LRRTM4: variants seen among roughly 807,000 people sequenced by gnomAD.
LRRTM4 encodes leucine rich repeat transmembrane neuronal 4.
LRRTM4 carries 25 observed loss-of-function variants against 47.6 expected under a neutral mutation model. The observed-to-expected ratio is 0.53, with a 90% confidence interval of 0.38 to 0.73. The LOEUF (loss-of-function observed/expected upper bound fraction) is 0.73. LRRTM4 is among the 30% of genes least tolerant of loss of function. LRRTM4 has a pLI of 0.00. For synonymous variants in LRRTM4, 311 were observed against 269.5 expected (o/e 1.15, Z -1.51); for missense variants, 638 against 713.4 (o/e 0.89, Z 1.20).
At chr2:77,129,942 C>A (rs1671750715) in intron 3 of LRRTM4, among the ~76,000 whole-genome samples, 1 of 152,080 alleles carries the variant, frequency 6.6e-6, no homozygotes, top group Non-Finnish European at 1.5e-5. Context: ...GAGTGACGTG[C>A]CTAAAAATAC....
At position 76,936,989 on chromosome 2, in the gene LRRTM4, C is replaced by T. The variant is rs111251711; in HGVS notation, c.1552-188073G>A. Among the ~76,000 whole-genome samples the T allele has an allele frequency of 6.0e-3, 519 of 86,090 alleles. 3 individuals are homozygous for T. The highest frequency in any genetic ancestry group is 0.023 in the African/African-American group (483 of 21,076). 56.5% of individuals were successfully genotyped at this position (86,090 alleles called of 152,430 possible). ...AAAAAAAAAAAAAAAAAAAAAAGAG[C>T]ACATAAGTATATGTGAAAACATATC... is the stretch of plus-strand genomic sequence containing the variant. On this transcript the variant is annotated intron_variant, in intron 3 of 3. Transcript: ENST00000409884.
intron 3 of LRRTM4, among the ~76,000 whole-genome samples, chr2:77,027,140 T>C (rs1678482797): frequency 1.3e-5 from 2 of 152,116 alleles, no homozygotes; most frequent in South Asian, 2.1e-4. Context: ...ACACGATTTA[T>C]GGACTATTTC....
At chr2:77,382,585 C>T (rs1033524709) in intron 3 of LRRTM4, among the ~76,000 whole-genome samples, 4 of 152,066 alleles carry the variant, frequency 2.6e-5, no homozygotes, top group Non-Finnish European at 5.9e-5. Flanking sequence ...GGCAAAGTTA[C>T]TCTGCTTTTA....
At chr2:77,324,420 G>A (rs997947411) in intron 3 of LRRTM4, among the ~76,000 whole-genome samples, 4 of 152,124 alleles carry the variant, frequency 2.6e-5, no homozygotes, top group African/African-American at 9.7e-5. Flanking sequence ...TAGTGTGAGA[G>A]CATATAAATG....
At chr2:76,930,355 A>G (rs1042237946) in intron 3 of LRRTM4, among the ~76,000 whole-genome samples, 41 of 152,158 alleles carry the variant, frequency 2.7e-4, no homozygotes, top group Non-Finnish European at 3.4e-4. Flanking sequence ...CACACACGCG[A>G]TATGGTTAAT....
intron 3 of LRRTM4, among the ~76,000 whole-genome samples, chr2:76,793,939 C>G (rs997247602): frequency 6.6e-6 from 1 of 152,148 alleles, no homozygotes; most frequent in African/African-American, 2.4e-5. Context: ...GAAAAGATTT[C>G]TAAGACTTCA....
At chr2:77,184,145 C>T (rs537240202) in intron 3 of LRRTM4, among the ~76,000 whole-genome samples, 12 of 151,504 alleles carry the variant, frequency 7.9e-5, no homozygotes, top group African/African-American at 2.7e-4. Context: ...TAGTAAAGTT[C>T]AGAAAAATAA....
intron 3 of LRRTM4, among the ~76,000 whole-genome samples, chr2:77,481,251 T>C (rs918443502): frequency 2.6e-5 from 4 of 152,194 alleles, no homozygotes; most frequent in South Asian, 2.1e-4. Context: ...AAGCCTATTA[T>C]TATCTCCATT....
chr2:76,824,305 A>G (rs1383349956), intron 3 of LRRTM4, among the ~76,000 whole-genome samples: 1 of 151,472 alleles, frequency 6.6e-6, no homozygotes, highest in Non-Finnish European at 1.5e-5. Context: ...TGGTTGTATA[A>G]TTTGCTTGGT....
chr2:76,892,031 G>A (rs1330333718), intron 3 of LRRTM4, among the ~76,000 whole-genome samples: 1 of 151,498 alleles, frequency 6.6e-6, no homozygotes, highest in Non-Finnish European at 1.5e-5. Context: ...CCTGTATCCG[G>A]TATACTGTGT....
intron 3 of LRRTM4, among the ~76,000 whole-genome samples, chr2:76,912,349 T>C (rs78859458): frequency 0.081 from 12,332 of 152,256 alleles, 900 homozygotes; most frequent in East Asian, 0.38. Flanking sequence ...TGATATAATA[T>C]TCCATTTTAG....
At chr2:77,311,224 ATGT>A (rs1002924026) in intron 3 of LRRTM4, among the ~76,000 whole-genome samples, 10 of 152,164 alleles carry the variant, frequency 6.6e-5, no homozygotes, top group Admixed American at 3.9e-4. Flanking sequence ...AGGTTTGCAA[ATGT>A]TGTTACAGGA....
At position 77,054,979 on chromosome 2, in the gene LRRTM4, C is replaced by T. The variant is rs375759784; in HGVS notation, c.1552-306063G>A. On this transcript the variant is annotated intron_variant, in intron 3 of 3. Coordinates refer to ENST00000409884, the MANE Select transcript of LRRTM4 (RefSeq NM_001134745.3). ...ACCAGATCACTTGCTTCTCTCAGGG[C>T]AGAGATTCAACAGCTGCATTTATTC... Among the ~76,000 whole-genome samples, 3 of 152,276 alleles carry T rather than the reference C, an allele frequency of 2.0e-5. 1 individual carries two copies. The highest frequency in any genetic ancestry group is 7.2e-5 in the African/African-American group (3 of 41,574).
intron 3 of LRRTM4, among the ~76,000 whole-genome samples, chr2:77,347,822 T>C (rs1020774833): frequency 1.3e-5 from 2 of 152,104 alleles, no homozygotes; most frequent in Non-Finnish European, 2.9e-5. Flanking sequence ...TATGAACACA[T>C]AAATCATCAA....
intron 3 of LRRTM4, among the ~76,000 whole-genome samples, chr2:77,340,572 T>A (rs925604965): frequency 6.6e-6 from 1 of 152,008 alleles, no homozygotes; most frequent in Admixed American, 6.6e-5. Context: ...TTTAAAACAC[T>A]TTTATTGTCA....
chr2:76,993,408 C>T (rs1573417625), intron 3 of LRRTM4, among the ~76,000 whole-genome samples: 1 of 151,750 alleles, frequency 6.6e-6, no homozygotes, highest in African/African-American at 2.4e-5. Context: ...TTAAATATCT[C>T]ATCAAGCAAA....
chr2:77,340,545 T>C (rs1043375912), intron 3 of LRRTM4, among the ~76,000 whole-genome samples: 4 of 151,962 alleles, frequency 2.6e-5, no homozygotes, highest in African/African-American at 4.8e-5. Context: ...ATAAAACTCA[T>C]AAATGGATTG....
chr2:77,066,970 TG>T (rs1235070283), intron 3 of LRRTM4, among the ~76,000 whole-genome samples: 2 of 152,174 alleles, frequency 1.3e-5, no homozygotes, highest in East Asian at 3.9e-4. Flanking sequence ...GGATTCCCCA[TG>T]GGGGAAGTGC....
intron 3 of LRRTM4, among the ~76,000 whole-genome samples, chr2:77,513,811 C>T (rs1238375308): frequency 1.3e-5 from 2 of 151,956 alleles, no homozygotes; most frequent in African/African-American, 4.8e-5. Flanking sequence ...AGTAATCCAC[C>T]CACTTTGGCC....
Sources: gnomAD v4.1 joint callset for allele counts (sites outside exome capture counted in the v4.1 genomes callset) on GRCh38, gnomAD v4.1.1 for gene constraint, MANE v1.5 for transcripts, NCBI Gene and HGNC (gene_info 2026-07-23, HGNC 2026-07-21) for gene names.